Variants in RAB37 observed in about 807,000 individuals in gnomAD.
RAB37 encodes the protein ras-related protein Rab-37.
Under a neutral mutation model 33.1 loss-of-function variants are expected in RAB37, and 29 were observed. The observed-to-expected ratio is 0.88, with a 90% CI of 0.65 to 1.20. RAB37 has a LOEUF of 1.20. Ranked by LOEUF, RAB37 falls within the 50% of genes most tolerant of loss-of-function variation. The pLI, the probability that RAB37 is intolerant of heterozygous loss-of-function variation, is 0.00. For synonymous variants in RAB37, 128 were observed against 119.5 expected (o/e 1.07, Z -0.47); for missense variants, 299 against 301.1 (o/e 0.99, Z 0.05).
In RAB37 at chr17:74,742,711, T is replaced by C. The variant is rs1418291268; in HGVS notation, c.246+416T>C. Among the ~76,000 whole-genome samples the C allele has an allele frequency of 6.6e-6, 1 of 151,834 alleles. No homozygotes were observed. Among genetic ancestry groups the C allele is most frequent in the East Asian group, 1.9e-4 (1 of 5,160 alleles). On this transcript the variant is annotated intron_variant, in intron 3 of 8. Transcript: ENST00000392613. The surrounding 1 kb of genome is among the most constrained non-coding windows in gnomAD (Gnocchi z 4.0). Reference sequence around the variant, plus strand: ...CACAATCTCGGCTCACTGCAACCTCTGCCTCCCAGGTTTAAGAGATTCTCC... The same window carrying C: ...CACAATCTCGGCTCACTGCAACCTCCGCCTCCCAGGTTTAAGAGATTCTCC...
rs776781983 is a variant in RAB37 at position 74,744,408 on chromosome 17, G to A, written c.432+35G>A. 1.2e-6 allele frequency: 2 copies of A among 1,605,978 alleles called. No homozygotes were observed. The highest frequency in any genetic ancestry group is 2.2e-5 in the South Asian group (2 of 90,908). On this transcript the variant is annotated intron_variant, in intron 6 of 8. Transcript: ENST00000392613. The surrounding 1 kb of genome is among the most constrained non-coding windows in gnomAD (Gnocchi z 4.2). ...TCCGGGGCAGGGTCAGCCCAGCCCTGCACTTCCTCAGCCCTAGCCGGCCCC... is the reference window on the plus strand; with the variant it reads ...TCCGGGGCAGGGTCAGCCCAGCCCTACACTTCCTCAGCCCTAGCCGGCCCC...
At chr17:74,695,636 G>A in intron 1 of RAB37, 1 of 1,577,872 alleles carries the variant, frequency 6.3e-7, no homozygotes, top group African/African-American at 1.3e-5. Flanking sequence ...GCCCACATGA[G>A]CAGGAGAAAG....
At chr17:74,683,473 G>A (rs1166067782) in intron 1 of RAB37, among the ~76,000 whole-genome samples, 2 of 152,236 alleles carry the variant, frequency 1.3e-5, no homozygotes, top group Non-Finnish European at 2.9e-5. Context: ...GATGAGAAGT[G>A]AGGCAGAAAA....
chr17:74,718,188 G>A (rs746355360), intron 1 of RAB37, among the ~76,000 whole-genome samples: 1 of 152,070 alleles, frequency 6.6e-6, no homozygotes, highest in Non-Finnish European at 1.5e-5. Context: ...CAGCTACTTC[G>A]GAGGCTGAGG....
At position 74,744,941 on chromosome 17, in the gene RAB37, T is replaced by A. The variant is rs1434114392; in HGVS notation, c.489+12T>A. 4 of 1,614,150 alleles carry A rather than the reference T, an allele frequency of 2.5e-6. No homozygotes were observed. Among genetic ancestry groups the A allele is most frequent in the Non-Finnish European group, 3.4e-6 (4 of 1,180,058 alleles). ...AGACCTTGGCCAGGGTAAGTGATTG[T>A]CTGTGGGACAGGGTGAAGGGTGGGG... On this transcript the variant is annotated intron_variant, in intron 7 of 8. Transcript: ENST00000392613. This position sits in a 1 kb window ranked among gnomAD's most constrained non-coding sequence, Gnocchi z 4.2.
At chr17:74,687,997 A>C (rs1330640392) in intron 1 of RAB37, among the ~76,000 whole-genome samples, 1 of 152,192 alleles carries the variant, frequency 6.6e-6, no homozygotes, top group African/African-American at 2.4e-5. Context: ...TTATGAAATT[A>C]TGGTGACAAT....
At chr17:74,712,977 C>T (rs2034078577) in intron 1 of RAB37, 1 of 1,100,108 alleles carries the variant, frequency 9.1e-7, no homozygotes, top group African/African-American at 1.6e-5. Flanking sequence ...CTTCCTCCTT[C>T]AGTCACTTCC....
At chr17:74,739,882 C>T (rs1422533646) in intron 1 of RAB37, among the ~76,000 whole-genome samples, 3 of 152,146 alleles carry the variant, frequency 2.0e-5, no homozygotes, top group East Asian at 3.9e-4. Context: ...TCCAGTCAGG[C>T]GCGGTGGCTC....
At chr17:74,718,230 G>A (rs1036124383) in intron 1 of RAB37, among the ~76,000 whole-genome samples, 1 of 152,114 alleles carries the variant, frequency 6.6e-6, no homozygotes, top group African/African-American at 2.4e-5. Context: ...GGAGACGGAG[G>A]TTGCAGTGAG....
chr17:74,706,595 G>A (rs1228069038), intron 1 of RAB37, among the ~76,000 whole-genome samples: 1 of 152,120 alleles, frequency 6.6e-6, no homozygotes, highest in Non-Finnish European at 1.5e-5. Flanking sequence ...TTGAACCCGG[G>A]AGGCAGAGGT....
chr17:74,736,945 G>T (rs887943334), upstream of RAB37: 1 of 1,520,036 alleles, frequency 6.6e-7, no homozygotes, highest in Non-Finnish European at 8.8e-7. Context: ...GCAGCAGACG[G>T]GGTCCCCGCG....
chr17:74,688,610 G>A (rs1197778797), intron 1 of RAB37, among the ~76,000 whole-genome samples: 2 of 148,972 alleles, frequency 1.3e-5, no homozygotes, highest in Non-Finnish European at 1.5e-5. Flanking sequence ...TAAACAGAAA[G>A]ACTATTGACC....
Position 74,689,065 on chromosome 17 carries a change from G to A in RAB37, c.72+17407G>A, listed in dbSNP as rs568065931. ...ACCCGTAATCTCAGCACTTTGGAAG[G>A]CTGAGGCAGATGGATTACTTGAAGT... On this transcript the variant is annotated intron_variant, in intron 1 of 7. Coordinates refer to the RAB37 transcript ENST00000340415. Among the ~76,000 whole-genome samples, 4 of 152,306 alleles carry A rather than the reference G, an allele frequency of 2.6e-5. No individual in the cohort carries two copies. In the South Asian group the frequency reaches 8.3e-4, roughly 32 times the overall value.
intron 1 of RAB37, among the ~76,000 whole-genome samples, chr17:74,726,156 A>ACTC (rs1163929213): frequency 1.3e-5 from 2 of 150,646 alleles, no homozygotes; most frequent in African/African-American, 4.9e-5. Context: ...AATAGCTTGA[A>ACTC]CTCGGGAGGC....
intron 1 of RAB37, among the ~76,000 whole-genome samples, chr17:74,691,837 C>T (rs567605599): frequency 5.9e-5 from 9 of 151,770 alleles, no homozygotes; most frequent in East Asian, 3.9e-4. Flanking sequence ...GGCACAGTTA[C>T]GCTCTGATCT....
chr17:74,684,864 G>A (rs2032023372), intron 1 of RAB37, among the ~76,000 whole-genome samples: 1 of 150,166 alleles, frequency 6.7e-6, no homozygotes, highest in Non-Finnish European at 1.5e-5. Context: ...GAGATAGATA[G>A]ATAGATAGAT....
chr17:74,745,198 G>C lies in RAB37; in HGVS notation c.567-108G>C, dbSNP rs549835071. ...GACACACCTGCATTCTGCAGGCTGA[G>C]GTCCATTTGCTCTGGGAGCACTGGG... is the stretch of plus-strand genomic sequence containing the variant. On this transcript the variant is annotated intron_variant, in intron 8 of 8. Transcript: ENST00000392613. The surrounding 1 kb of genome is among the most constrained non-coding windows in gnomAD (Gnocchi z 4.5). The C allele has an allele frequency of 4.5e-4, 697 of 1,536,904 alleles. 3 individuals are homozygous for C. In the African/African-American group the frequency reaches 8.5e-3, roughly 19 times the overall value.
rs1230423982 is a variant in RAB37, at chr17:74,698,264, C to T, written c.72+26606C>T. 4 of 844,034 alleles carry T rather than the reference C, an allele frequency of 4.7e-6. No homozygotes were observed. The African/African-American group carries it at 5.0e-5, about 11-fold the overall frequency. The allele number at this position is 844,034 out of a possible 1,614,324, so 52.3% of individuals were successfully genotyped here. On this transcript the variant is annotated intron_variant, in intron 1 of 7. Coordinates refer to the RAB37 transcript ENST00000340415. ...CTGCTGAGGGCCTTTGGGACTGTGC[C>T]ATTTCCTGATTGTGTGGGTAATCCC...
At chr17:74,741,463 G>A (rs1391976070) in intron 2 of RAB37, among the ~76,000 whole-genome samples, 4 of 152,108 alleles carry the variant, frequency 2.6e-5, no homozygotes, top group Non-Finnish European at 5.9e-5. Flanking sequence ...GCACGCTCCT[G>A]CAGTCCCAGC....
Sources: allele counts gnomAD v4.1 joint callset (sites outside exome capture counted in the v4.1 genomes callset), GRCh38; gene constraint gnomAD v4.1.1; non-coding constraint Gnocchi (gnomAD v3.1); transcripts MANE v1.5; gene names NCBI Gene and HGNC (gene_info 2026-07-23, HGNC 2026-07-21).